The following PCSK5 variants were observed in gnomAD, a reference collection of about 807,000 sequenced individuals.
PCSK5 encodes the protein prohormone convertase 5.
A neutral mutation model predicts 233.2 loss-of-function variants in PCSK5; 129 were observed. The observed-to-expected ratio is 0.55, with a 90% CI of 0.48 to 0.64. PCSK5 has a LOEUF of 0.64. Among genes scored for constraint, PCSK5 ranks in the 30% least tolerant of loss-of-function variants. The pLI is 0.00. For synonymous variants in PCSK5, 825 were observed against 879.2 expected (o/e 0.94, Z 1.09); for missense variants, 2,076 against 2,430.1 (o/e 0.85, Z 3.06).
At chr9:76,328,590 A>G (rs996285765) in intron 33 of PCSK5, among the ~76,000 whole-genome samples, 2 of 152,092 alleles carry the variant, frequency 1.3e-5, no homozygotes, top group Non-Finnish European at 2.9e-5. Flanking sequence ...TTTCGAAGCC[A>G]TTTGAAGGCA....
intron 20 of PCSK5, among the ~76,000 whole-genome samples, chr9:76,192,731 C>A (rs1243226996): frequency 6.6e-6 from 1 of 152,102 alleles, no homozygotes; most frequent in Admixed American, 6.6e-5. Context: ...CAGAATGTTA[C>A]ATAAGTATAA....
chr9:76,180,819 T>A (rs1458939891), intron 15 of PCSK5, among the ~76,000 whole-genome samples: 1 of 152,204 alleles, frequency 6.6e-6, no homozygotes, highest in Admixed American at 6.5e-5. Flanking sequence ...ATGCCTGATA[T>A]TTAATTGGTG....
At chr9:76,100,371 T>C (rs1366770203) in intron 8 of PCSK5, among the ~76,000 whole-genome samples, 4 of 152,270 alleles carry the variant, frequency 2.6e-5, no homozygotes, top group African/African-American at 9.6e-5. Context: ...ATCACATTTT[T>C]TGTCCTTCTC....
At chr9:76,017,480 A>G (rs933384775) in intron 3 of PCSK5, among the ~76,000 whole-genome samples, 4 of 152,206 alleles carry the variant, frequency 2.6e-5, no homozygotes, top group African/African-American at 9.7e-5. Context: ...TTTCATCTTT[A>G]TAGCAATTAT....
chr9:75,928,629 ATATATATAT>A (rs1322322349), intron 1 of PCSK5, among the ~76,000 whole-genome samples: 6 of 117,004 alleles, frequency 5.1e-5, no homozygotes, highest in African/African-American at 2.2e-4. Flanking sequence ...ATATATATAT[ATATATATAT>A]AATCCTAGAA....
intron 1 of PCSK5, among the ~76,000 whole-genome samples, chr9:75,903,115 TTAAA>T (rs528747792): frequency 1.3e-3 from 192 of 152,338 alleles, no homozygotes; most frequent in African/African-American, 4.2e-3. Context: ...ATTCTGCCCT[TTAAA>T]TACGTATTTT....
chr9:76,287,382 C>G lies in PCSK5; in HGVS notation c.3143-4851C>G, dbSNP rs868101891. The G allele has an allele frequency of 2.1e-5, 4 of 186,622 alleles. No homozygotes were observed. The Middle Eastern group carries it at 3.3e-3, about 152-fold the overall frequency. 11.6% of individuals were successfully genotyped at this position (186,622 alleles called of 1,614,324 possible). On this transcript the variant is annotated intron_variant, in intron 24 of 37. Coordinates refer to ENST00000674117, the MANE Select transcript of PCSK5 (RefSeq NM_001372043.1). ...GCAGGCCAACTGGCTGTCTTCCATT[C>G]GAGTTAGAAATCCCTCTCTCCACAT...
At chr9:75,970,005 C>T (rs1222739870) in intron 2 of PCSK5, among the ~76,000 whole-genome samples, 2 of 151,860 alleles carry the variant, frequency 1.3e-5, no homozygotes, top group Non-Finnish European at 2.9e-5. Flanking sequence ...TCCCAAGTAG[C>T]TGGGATTACA....
intron 9 of PCSK5, among the ~76,000 whole-genome samples, chr9:76,127,243 ATG>A (rs1240467756): frequency 2.0e-5 from 3 of 152,230 alleles, no homozygotes; most frequent in African/African-American, 7.2e-5. Context: ...TCTCTGAACT[ATG>A]TAGAAAAGTA....
intron 2 of PCSK5, among the ~76,000 whole-genome samples, chr9:75,979,669 T>C (rs1465153540): frequency 2.0e-5 from 3 of 152,224 alleles, no homozygotes; most frequent in Non-Finnish European, 4.4e-5. Context: ...TAGACGGCTT[T>C]TGCATTAGCT....
At chr9:76,249,781 T>C (rs934541637) in intron 24 of PCSK5, among the ~76,000 whole-genome samples, 2 of 152,040 alleles carry the variant, frequency 1.3e-5, no homozygotes, top group Admixed American at 1.3e-4. Context: ...TCCACAATGA[T>C]GGAAATATGT....
At chr9:76,030,070 TATTCA>T (rs1385490380) in intron 5 of PCSK5, among the ~76,000 whole-genome samples, 2 of 152,134 alleles carry the variant, frequency 1.3e-5, no homozygotes, top group African/African-American at 4.8e-5. Context: ...GAGTATACTT[TATTCA>T]ATTGTTAAAA....
At chr9:76,241,627 C>A (rs1349330853) in intron 24 of PCSK5, among the ~76,000 whole-genome samples, 4 of 152,126 alleles carry the variant, frequency 2.6e-5, no homozygotes. Context: ...TCTCACATGC[C>A]TGCAGGAGAT....
At chr9:76,268,702 A>G (rs1390769251) in intron 24 of PCSK5, among the ~76,000 whole-genome samples, 2 of 151,958 alleles carry the variant, frequency 1.3e-5, no homozygotes. Context: ...AAAACTAGCC[A>G]AATGTAGTGG....
chr9:76,253,130 G>A (rs1008929473), intron 24 of PCSK5, among the ~76,000 whole-genome samples: 3 of 152,284 alleles, frequency 2.0e-5, no homozygotes, highest in East Asian at 3.9e-4. Flanking sequence ...CGTCTTTTCA[G>A]GGACCTAGTG....
At chr9:76,000,757 C>A (rs998525687) in intron 3 of PCSK5, among the ~76,000 whole-genome samples, 10 of 152,266 alleles carry the variant, frequency 6.6e-5, no homozygotes, top group African/African-American at 2.2e-4. Context: ...GCTTAAACTG[C>A]CCCATCTTTG....
At position 76,107,241 on chromosome 9, in the gene PCSK5, TG is replaced by T; in HGVS notation, c.1108-9del. On this transcript the variant is annotated splice_polypyrimidine_tract_variant and intron_variant, in intron 8 of 37. Coordinates refer to ENST00000674117, the MANE Select transcript of PCSK5 (RefSeq NM_001372043.1). The stretch of plus-strand genomic sequence containing the variant: ...CCTCAGAAATCTAAACTTTTCACTT[TG>T]TTTTCCAGATCACTACAGATCTGAG... The T allele has an allele frequency of 6.3e-7, 1 of 1,586,298 alleles. No individual in the cohort carries two copies. Among genetic ancestry groups the T allele is most frequent in the Non-Finnish European group, 8.6e-7 (1 of 1,160,656 alleles).
At chr9:76,046,160 GTTTTTTTTTTTTTTT>G (rs71372041) in intron 5 of PCSK5, among the ~76,000 whole-genome samples, 137 of 58,032 alleles carry the variant, frequency 2.4e-3, no homozygotes, top group South Asian at 6.9e-3. Flanking sequence ...TTTTTCTTTT[GTTTTTTTTTTTTTTT>G]TTTTTTTTTT....
At chr9:75,894,706 G>A (rs1314595424) in intron 1 of PCSK5, among the ~76,000 whole-genome samples, 1 of 152,104 alleles carries the variant, frequency 6.6e-6, no homozygotes, top group Non-Finnish European at 1.5e-5. Flanking sequence ...AGTATCTAGT[G>A]GAACCAGCAC....
Sources: gnomAD v4.1 joint callset for allele counts (sites outside exome capture counted in the v4.1 genomes callset) on GRCh38, gnomAD v4.1.1 for gene constraint, MANE v1.5 for transcripts, NCBI Gene and HGNC (gene_info 2026-07-23, HGNC 2026-07-21) for gene names.